MRTFA: variants seen among roughly 807,000 people sequenced by gnomAD.
MRTFA encodes myocardin-related transcription factor A.
In MRTFA, 20 loss-of-function variants were observed where a neutral mutation model predicts 83.5. That is an observed-to-expected ratio of 0.24 (90% CI 0.17 to 0.35). MRTFA has a LOEUF of 0.35. Ranked by LOEUF, MRTFA falls within the 10% of genes least tolerant of loss-of-function variation. The probability of loss-of-function intolerance (pLI) is 1.00; values close to 1 mark genes in which losing one functional copy is unlikely to be tolerated. For missense variants in MRTFA, 1,200 were observed against 1,224.7 expected (o/e 0.98, Z 0.30); for synonymous variants, 659 against 541.2 (o/e 1.22, Z -3.02).
chr22:40,421,503 T>C (rs571513445), intron 9 of MRTFA, among the ~76,000 whole-genome samples: 2 of 152,256 alleles, frequency 1.3e-5, no homozygotes, highest in South Asian at 2.1e-4. Context: ...CTTGCTCTTT[T>C]TGGGGCTGGG....
intron 3 of MRTFA, among the ~76,000 whole-genome samples, chr22:40,479,817 G>A (rs184884190): frequency 3.9e-5 from 6 of 152,160 alleles, no homozygotes; most frequent in Admixed American, 2.6e-4. Flanking sequence ...TTCTGATAAG[G>A]AATACTCTTA....
intron 2 of MRTFA, among the ~76,000 whole-genome samples, chr22:40,567,030 T>C (rs925816826): frequency 6.6e-6 from 1 of 152,198 alleles, no homozygotes; most frequent in Non-Finnish European, 1.5e-5. Flanking sequence ...GATGTGACCT[T>C]GAGTAAGTCG....
intron 7 of MRTFA, among the ~76,000 whole-genome samples, chr22:40,426,941 G>A (rs996109837): frequency 1.3e-5 from 2 of 152,236 alleles, no homozygotes; most frequent in African/African-American, 4.8e-5. Context: ...GTGACTCAGA[G>A]ACAATGTCAC....
chr22:40,622,747 G>T (rs1388072491), intron 1 of MRTFA, among the ~76,000 whole-genome samples: 5 of 151,836 alleles, frequency 3.3e-5, no homozygotes, highest in Non-Finnish European at 5.9e-5. Flanking sequence ...ATTTGGCTCA[G>T]TAAGACTGAT....
chr22:40,566,993 G>A (rs2055715059), intron 2 of MRTFA, among the ~76,000 whole-genome samples: 1 of 152,128 alleles, frequency 6.6e-6, no homozygotes, highest in African/African-American at 2.4e-5. Context: ...GTTTTGACCT[G>A]TGTCTTAATA....
intron 2 of MRTFA, among the ~76,000 whole-genome samples, chr22:40,554,554 G>A (rs1225384104): frequency 6.6e-6 from 1 of 152,142 alleles, no homozygotes; most frequent in African/African-American, 2.4e-5. Context: ...CTGCCATCAT[G>A]ACTGTAAGTT....
intron 3 of MRTFA, among the ~76,000 whole-genome samples, chr22:40,472,364 G>T (rs988515733): frequency 1.1e-4 from 17 of 152,274 alleles, no homozygotes; most frequent in African/African-American, 4.1e-4. Context: ...ATAGATCATG[G>T]CAAGTAAATA....
chr22:40,578,167 T>C (rs1386188929), intron 2 of MRTFA, among the ~76,000 whole-genome samples: 1 of 152,066 alleles, frequency 6.6e-6, no homozygotes, highest in Non-Finnish European at 1.5e-5. Context: ...TGGGCCAGGC[T>C]GGTCTCGAAC....
intron 3 of MRTFA, among the ~76,000 whole-genome samples, chr22:40,539,340 T>A (rs1351554157): frequency 2.9e-5 from 3 of 101,776 alleles, no homozygotes; most frequent in Admixed American, 9.1e-5. Flanking sequence ...TTATTAACAA[T>A]TTTTTTTTTT....
At chr22:40,466,465 AAAGT>A in intron 3 of MRTFA, among the ~76,000 whole-genome samples, 1 of 152,268 alleles carries the variant, frequency 6.6e-6, no homozygotes, top group Non-Finnish European at 1.5e-5. Context: ...CTGTGACTCT[AAAGT>A]GGAGGCACCT....
At chr22:40,523,385 G>A (rs1034383271) in intron 3 of MRTFA, 1 of 152,180 alleles carries the variant, frequency 6.6e-6, no homozygotes, top group South Asian at 2.1e-4. Flanking sequence ...TTGTGGCCCA[G>A]CTGGAATACC....
At chr22:40,589,995 C>G (rs892419924) in intron 2 of MRTFA, among the ~76,000 whole-genome samples, 6 of 148,968 alleles carry the variant, frequency 4.0e-5, no homozygotes, top group African/African-American at 1.5e-4. Context: ...GCACTCCAGC[C>G]TGGGAGACAG....
chr22:40,561,860 T>C (rs1395967388), intron 2 of MRTFA, among the ~76,000 whole-genome samples: 1 of 152,046 alleles, frequency 6.6e-6, no homozygotes, highest in Non-Finnish European at 1.5e-5. Flanking sequence ...GTGAAAGTGA[T>C]GGTATGCCAG....
intron 4 of MRTFA, among the ~76,000 whole-genome samples, chr22:40,442,599 T>C (rs1413245122): frequency 8.2e-6 from 1 of 122,110 alleles, no homozygotes; most frequent in Admixed American, 1.2e-4. Context: ...TGCCAGTCAC[T>C]GAGGATAAGA....
chr22:40,445,129 C>T (rs774637313), intron 4 of MRTFA, among the ~76,000 whole-genome samples: 3 of 152,016 alleles, frequency 2.0e-5, no homozygotes, highest in Non-Finnish European at 4.4e-5. Flanking sequence ...ATTTCATTAC[C>T]CCCAACATAC....
intron 3 of MRTFA, among the ~76,000 whole-genome samples, chr22:40,486,151 G>C (rs952819242): frequency 1.3e-5 from 2 of 152,074 alleles, no homozygotes; most frequent in Admixed American, 1.3e-4. Context: ...CCAGGATCCT[G>C]GTGTACCTTC....
chr22:40,463,121 T>C, intron 4 of MRTFA, 100 bp downstream of exon 4: 1 of 1,009,028 alleles, frequency 9.9e-7, no homozygotes, highest in Non-Finnish European at 1.5e-6. Context: ...ATAAAACGCA[T>C]CATCCTTGTT....
intron 3 of MRTFA, among the ~76,000 whole-genome samples, chr22:40,515,373 T>TA (rs1000693002): frequency 1.3e-5 from 2 of 151,838 alleles, no homozygotes; most frequent in Non-Finnish European, 2.9e-5. Flanking sequence ...CATATACATT[T>TA]AAAAACCCCC....
intron 2 of MRTFA, among the ~76,000 whole-genome samples, chr22:40,579,696 C>T (rs1350986522): frequency 1.3e-5 from 2 of 151,972 alleles, no homozygotes; most frequent in Non-Finnish European, 2.9e-5. Flanking sequence ...CCCGTCTCTA[C>T]TAAAAATACA....
Sources: allele counts gnomAD v4.1 joint callset (sites outside exome capture counted in the v4.1 genomes callset), GRCh38; gene constraint gnomAD v4.1.1; transcripts MANE v1.5; gene names NCBI Gene and HGNC (gene_info 2026-07-23, HGNC 2026-07-21).